The following RTL9 variants were observed in gnomAD, a reference collection of about 807,000 sequenced individuals.
RTL9 encodes retrotransposon Gag-like protein 9.
In RTL9, 19 loss-of-function variants were observed where a neutral mutation model predicts 44.7. That is an observed-to-expected ratio of 0.42 (90% CI 0.30 to 0.62). The LOEUF (loss-of-function observed/expected upper bound fraction) is 0.62. RTL9 is among the 20% of genes least tolerant of loss of function. The probability of loss-of-function intolerance (pLI) is 0.16; values close to 1 mark genes in which losing one functional copy is unlikely to be tolerated. For synonymous variants in RTL9, 407 were observed against 398.9 expected (o/e 1.02, Z -0.24); for missense variants, 1,105 against 1,080.6 (o/e 1.02, Z -0.32).
In RTL9 at chrX:110,402,551, G is replaced by T. The variant is rs777281693; in HGVS notation, c.-167-42602G>T. On this transcript the variant is annotated intron_variant, in intron 1 of 2. Coordinates refer to the RTL9 transcript ENST00000520821. ...TCAGCTGACTGAGAGCTGTGTCCCC[G>T]GCTCCATTTTGCCTAGGGGCGAGCC... 1.1e-3 allele frequency among the ~76,000 whole-genome samples: 128 copies of T among 112,515 alleles called. 4 individuals are homozygous for T. Among genetic ancestry groups the T allele is most frequent in the Middle Eastern group, 4.2e-3 (1 of 237 alleles).
chrX:110,384,702 G>A (rs1236712157), intron 1 of RTL9, among the ~76,000 whole-genome samples: 1 of 110,900 alleles, frequency 9.0e-6, no homozygotes, highest in African/African-American at 3.3e-5. Context: ...CCTCCAGAAG[G>A]TGACAAATGT....
At chrX:110,393,324 G>T (rs966018901) in intron 1 of RTL9, among the ~76,000 whole-genome samples, 1 of 112,132 alleles carries the variant, frequency 8.9e-6, no homozygotes, top group Admixed American at 9.4e-5. Context: ...GCCTGGCAGA[G>T]AGCAGACACT....
At chrX:110,367,482 T>C (rs747625071) in intron 1 of RTL9, among the ~76,000 whole-genome samples, 1 of 111,654 alleles carries the variant, frequency 9.0e-6, no homozygotes, top group South Asian at 3.8e-4. Flanking sequence ...TGACACAGTT[T>C]ATCACTCTCT....
chrX:110,364,497 C>T (rs2068284284), intron 1 of RTL9, among the ~76,000 whole-genome samples: 1 of 111,405 alleles, frequency 9.0e-6, no homozygotes, highest in African/African-American at 3.3e-5. Flanking sequence ...AGCCTTTTGT[C>T]TTTATTTGGT....
At chrX:110,442,024 T>C (rs1158678575) in intron 1 of RTL9, among the ~76,000 whole-genome samples, 1 of 111,004 alleles carries the variant, frequency 9.0e-6, no homozygotes, top group Non-Finnish European at 1.9e-5. Flanking sequence ...ACAGTTCAGC[T>C]CTTATCCACC....
At chrX:110,380,745 A>T (rs2068413223) in intron 1 of RTL9, among the ~76,000 whole-genome samples, 3 of 112,370 alleles carry the variant, frequency 2.7e-5, no homozygotes, top group African/African-American at 9.7e-5. Context: ...ACAGAAAAAG[A>T]CATATAGACC....
chrX:110,384,300 T>C (rs1183329151), intron 1 of RTL9, among the ~76,000 whole-genome samples: 1 of 110,521 alleles, frequency 9.0e-6, no homozygotes, highest in Non-Finnish European at 1.9e-5. Flanking sequence ...AGCACTGAAA[T>C]CTGAGAGATT....
chrX:110,383,376 C>T (rs2068433741), intron 1 of RTL9, among the ~76,000 whole-genome samples: 1 of 111,439 alleles, frequency 9.0e-6, no homozygotes, highest in Non-Finnish European at 1.9e-5. Context: ...AGGAAAGGGG[C>T]CTTTTTCCAA....
intron 1 of RTL9, among the ~76,000 whole-genome samples, chrX:110,442,836 G>T (rs1200075353): frequency 8.9e-6 from 1 of 112,054 alleles, no homozygotes; most frequent in Non-Finnish European, 1.9e-5. Context: ...CTTGAGCCAG[G>T]AGAGGGCATC....
chrX:110,402,656 T>C lies in RTL9; in HGVS notation c.-167-42497T>C, dbSNP rs1462173703. ...CTCAGAGGGAGTGGCTGGAGGCTGA[T>C]CTCATCCTGAAATGATGTGGGCTTG... On this transcript the variant is annotated intron_variant, in intron 1 of 2. Transcript: ENST00000520821. 1.8e-5 allele frequency among the ~76,000 whole-genome samples: 2 copies of C among 112,439 alleles called. 1 individual carries two copies. The highest frequency in any genetic ancestry group is 7.4e-4 in the South Asian group (2 of 2,717).
At chrX:110,398,492 A>G (rs1202188148) in intron 1 of RTL9, among the ~76,000 whole-genome samples, 1 of 112,409 alleles carries the variant, frequency 8.9e-6, no homozygotes, top group African/African-American at 3.2e-5. Flanking sequence ...GAGAATCCCT[A>G]TGCATCCTTC....
intron 1 of RTL9, among the ~76,000 whole-genome samples, chrX:110,422,936 T>C (rs1274514459): frequency 8.9e-6 from 1 of 112,167 alleles, no homozygotes; most frequent in Non-Finnish European, 1.9e-5. Flanking sequence ...AACTGGGGGC[T>C]GAGGGGCAAA....
chrX:110,361,744 GT>G (rs2068265045), intron 1 of RTL9, among the ~76,000 whole-genome samples: 1 of 112,085 alleles, frequency 8.9e-6, no homozygotes, highest in African/African-American at 3.2e-5. Context: ...GATGTTATAT[GT>G]TTATCTATTT....
exon 2 of RTL9, chrX:110,455,439 C>G: frequency 1.1e-6 from 1 of 907,837 alleles, no homozygotes. Context: ...TTCAGCCTCC[C>G]GCTCCAGGCA....
chrX:110,401,594 G>T (rs1416121046), intron 1 of RTL9, among the ~76,000 whole-genome samples: 1 of 111,597 alleles, frequency 9.0e-6, no homozygotes, highest in East Asian at 2.8e-4. Context: ...AAGGGGAAGG[G>T]GTTGTCTGGG....
At chrX:110,388,886 G>A (rs776030032) in intron 1 of RTL9, among the ~76,000 whole-genome samples, 7 of 112,473 alleles carry the variant, frequency 6.2e-5, no homozygotes, top group Non-Finnish European at 1.3e-4. Context: ...TGTGATGTAC[G>A]TAGTGGGGAG....
chrX:110,452,874 G>A (rs1603024643), exon 1 of RTL9: 1 of 1,211,843 alleles, frequency 8.3e-7, no homozygotes. Flanking sequence ...AACCTCTGAT[G>A]TGATGTCCAC....
intron 1 of RTL9, among the ~76,000 whole-genome samples, chrX:110,380,328 T>C (rs1361236980): frequency 1.9e-5 from 2 of 107,804 alleles, no homozygotes; most frequent in Non-Finnish European, 3.8e-5. Flanking sequence ...AAATCAAGAA[T>C]GCAATCCAAT....
chrX:110,388,136 G>C (rs1408961013), intron 1 of RTL9, among the ~76,000 whole-genome samples: 1 of 111,205 alleles, frequency 9.0e-6, no homozygotes, highest in African/African-American at 3.3e-5. Flanking sequence ...CAAAGTGTTG[G>C]GATTACAGGC....
Sources: allele counts gnomAD v4.1 joint callset (sites outside exome capture counted in the v4.1 genomes callset), GRCh38; gene constraint gnomAD v4.1.1; transcripts MANE v1.5; gene names NCBI Gene and HGNC (gene_info 2026-07-23, HGNC 2026-07-21).